Variants in FA2H observed in about 807,000 individuals in gnomAD.
The protein encoded by FA2H is fatty acid alpha-hydroxylase.
FA2H carries 22 observed loss-of-function variants against 44.9 expected under a neutral mutation model. The ratio of observed to expected loss-of-function variants is 0.49; its 90% CI spans 0.35 to 0.70. The LOEUF (loss-of-function observed/expected upper bound fraction) is 0.70. FA2H is among the 30% of genes least tolerant of loss of function. FA2H has a pLI of 0.01. For missense variants in FA2H, 501 were observed against 504.9 expected, an observed-to-expected ratio of 0.99 and a Z score of 0.07; for synonymous variants, 243 against 213.2, an observed-to-expected ratio of 1.14 and a Z score of -1.22.
At chr16:74,763,817 T>C (rs1343957064) in intron 1 of FA2H, among the ~76,000 whole-genome samples, 11 of 152,272 alleles carry the variant, frequency 7.2e-5, no homozygotes, top group Non-Finnish European at 8.8e-5. Flanking sequence ...CTTTCATGAA[T>C]GAAATTGGTG....
intron 5 of FA2H, among the ~76,000 whole-genome samples, chr16:74,717,792 C>G (rs1424211852): frequency 6.6e-6 from 1 of 152,168 alleles, no homozygotes; most frequent in African/African-American, 2.4e-5. Flanking sequence ...CCCCTGGGGC[C>G]CCAGAATGGC....
intron 1 of FA2H, among the ~76,000 whole-genome samples, chr16:74,746,586 G>C (rs992782754): frequency 6.6e-6 from 1 of 152,042 alleles, no homozygotes; most frequent in African/African-American, 2.4e-5. Flanking sequence ...TTTAAAATTT[G>C]ACTTGCATTT....
At chr16:74,763,257 ATTTT>A (rs905478781) in intron 1 of FA2H, among the ~76,000 whole-genome samples, 1 of 151,470 alleles carries the variant, frequency 6.6e-6, no homozygotes, top group East Asian at 1.9e-4. Flanking sequence ...AACGTTTGGA[ATTTT>A]TTTTTGTTTT....
intron 1 of FA2H, among the ~76,000 whole-genome samples, chr16:74,766,149 A>G (rs2144663830): frequency 1.3e-5 from 2 of 152,290 alleles, no homozygotes; most frequent in East Asian, 3.9e-4. Flanking sequence ...AAATACAAAA[A>G]TTAGCTGGGC....
chr16:74,731,517 T>C (rs1962071571), intron 2 of FA2H, among the ~76,000 whole-genome samples: 1 of 152,136 alleles, frequency 6.6e-6, no homozygotes, highest in African/African-American at 2.4e-5. Flanking sequence ...GGTTTTCTTT[T>C]CTCATTCTTT....
At chr16:74,742,666 T>A (rs1473831296) in intron 1 of FA2H, among the ~76,000 whole-genome samples, 1 of 152,054 alleles carries the variant, frequency 6.6e-6, no homozygotes, top group African/African-American at 2.4e-5. Flanking sequence ...AGACCCTGTC[T>A]CTATCAAAGA....
At chr16:74,718,725 G>A (rs1295440866) in intron 5 of FA2H, among the ~76,000 whole-genome samples, 2 of 152,236 alleles carry the variant, frequency 1.3e-5, no homozygotes, top group Non-Finnish European at 2.9e-5. Flanking sequence ...GAATGAATGA[G>A]TTGTTTTGAG....
At chr16:74,736,028 G>A (rs1246984139) in intron 2 of FA2H, among the ~76,000 whole-genome samples, 1 of 150,460 alleles carries the variant, frequency 6.6e-6, no homozygotes, top group African/African-American at 2.4e-5. Context: ...GCATCATACT[G>A]GAACACTGTG....
chr16:74,716,846 G>A lies in FA2H; in HGVS notation c.787-247C>T. ...TTGCAAAGGAACATGGGATGGGCGG[G>A]ATGGGCAGGATGGGCAGGATGGGTG... On this transcript the variant is annotated intron_variant, in intron 5 of 6. Transcript: ENST00000219368. 5.8e-6 allele frequency: 2 copies of A among 341,900 alleles called. 1 individual carries two copies. The highest frequency in any genetic ancestry group is 5.3e-5 in the South Asian group (2 of 37,426). 21.2% of individuals were successfully genotyped at this position (341,900 alleles called of 1,614,324 possible).
intron 2 of FA2H, among the ~76,000 whole-genome samples, chr16:74,729,499 T>C (rs1023471241): frequency 2.0e-5 from 3 of 152,218 alleles, no homozygotes; most frequent in African/African-American, 7.2e-5. Context: ...TGAGAGTACA[T>C]TAACACATGC....
In FA2H at chr16:74,716,361, G is replaced by T; in HGVS notation, c.1025C>A (p.Ala342Glu). The change falls in exon 6 of 7, where the codon GCA (alanine) becomes GAA (glutamate). Residue 342 changes from alanine to glutamate, a missense_variant. Ala to Glu is a moderately radical substitution (Grantham distance 107). Coordinates refer to ENST00000219368, the MANE Select transcript of FA2H (RefSeq NM_024306.5). ...LKAHHVKHHF[A>E]HQKSGFGIST... ...CCCATCCTCACCTGACTTCTGATGT[G>T]CAAAGTGGTGCTTGACGTGGTGGGC... 6.2e-7 allele frequency: 1 copy of T among 1,614,002 alleles called. No homozygotes were observed.
chr16:74,750,189 A>G (rs764595932), intron 1 of FA2H, among the ~76,000 whole-genome samples: 64 of 152,362 alleles, frequency 4.2e-4, no homozygotes, highest in African/African-American at 1.4e-3. Flanking sequence ...AGCCACCTCA[A>G]GTAGGTTTAC....
At chr16:74,772,949 A>G (rs1258127232) in intron 1 of FA2H, among the ~76,000 whole-genome samples, 1 of 151,682 alleles carries the variant, frequency 6.6e-6, no homozygotes, top group African/African-American at 2.4e-5. Flanking sequence ...TGGCATGATC[A>G]TGGCTCACTG....
At chr16:74,733,571 C>T (rs919117632) in intron 2 of FA2H, among the ~76,000 whole-genome samples, 2 of 152,166 alleles carry the variant, frequency 1.3e-5, no homozygotes, top group African/African-American at 2.4e-5. Context: ...ATCTTCCAGT[C>T]GTGAGCACTG....
At chr16:74,718,240 C>G (rs1005969082) in intron 5 of FA2H, among the ~76,000 whole-genome samples, 1 of 152,148 alleles carries the variant, frequency 6.6e-6, no homozygotes, top group Non-Finnish European at 1.5e-5. Flanking sequence ...AAACTGGTGT[C>G]CCGAAAGTAT....
intron 1 of FA2H, among the ~76,000 whole-genome samples, chr16:74,754,158 G>T (rs1253180815): frequency 6.6e-6 from 1 of 152,250 alleles, no homozygotes; most frequent in Non-Finnish European, 1.5e-5. Context: ...CACTTTGGGA[G>T]GCCAAGGTGA....
At position 74,727,473 on chromosome 16, in the gene FA2H, C is replaced by T. The variant is rs1007477208; in HGVS notation, c.364-87G>A. 22 of 1,387,302 alleles carry T rather than the reference C, an allele frequency of 1.6e-5. No homozygotes were observed. The Admixed American group carries it at 3.6e-4, about 22-fold the overall frequency. The allele number at this position is 1,387,302 out of a possible 1,614,324, so 85.9% of individuals were successfully genotyped here. A position where few individuals can be genotyped will look rare whatever the true frequency, so the allele number is the denominator to read the frequency against. ...TTTCCTCGTTACAGCATCCCAATCC[C>T]CTGCTCCTACCTCAGCTCCTGTGAT... is the stretch of plus-strand genomic sequence containing the variant. On this transcript the variant is annotated intron_variant, in intron 2 of 6. Transcript: ENST00000219368.
At chr16:74,740,356 C>T (rs558403523) in intron 1 of FA2H, among the ~76,000 whole-genome samples, 6 of 152,222 alleles carry the variant, frequency 3.9e-5, no homozygotes, top group Admixed American at 3.9e-4. Flanking sequence ...GTGGCTCACA[C>T]CTGTAATCCC....
intron 4 of FA2H, among the ~76,000 whole-genome samples, chr16:74,722,002 C>A (rs1028867756): frequency 6.6e-6 from 1 of 152,218 alleles, no homozygotes; most frequent in Non-Finnish European, 1.5e-5. Flanking sequence ...CACAGCCTTA[C>A]AAGGGAAGCC....
Sources: allele counts gnomAD v4.1 joint callset (sites outside exome capture counted in the v4.1 genomes callset), GRCh38; gene constraint gnomAD v4.1.1; transcripts MANE v1.5; gene names NCBI Gene and HGNC (gene_info 2026-07-23, HGNC 2026-07-21).